Variants in CNTNAP2 observed in about 807,000 individuals in gnomAD.
CNTNAP2 encodes the protein contactin-associated protein-like 2.
A neutral mutation model predicts 155.2 loss-of-function variants in CNTNAP2; 98 were observed. That is an observed-to-expected ratio of 0.63 (90% CI 0.54 to 0.75). The LOEUF is 0.75. Among genes scored for constraint, CNTNAP2 ranks in the 30% least tolerant of loss-of-function variants. The pLI, the probability that CNTNAP2 is intolerant of heterozygous loss-of-function variation, is 0.00. For synonymous variants in CNTNAP2, 651 were observed against 631.2 expected (o/e 1.03, Z -0.47); for missense variants, 1,727 against 1,688.1 (o/e 1.02, Z -0.40).
At chr7:146,140,212 G>C (rs192161778) in intron 1 of CNTNAP2, among the ~76,000 whole-genome samples, 8 of 152,190 alleles carry the variant, frequency 5.3e-5, no homozygotes, top group African/African-American at 1.9e-4. Context: ...ACTTATAAAA[G>C]AGAAAATGAG....
chr7:146,261,726 C>T (rs575250835), intron 1 of CNTNAP2, among the ~76,000 whole-genome samples: 2 of 152,186 alleles, frequency 1.3e-5, no homozygotes, highest in Middle Eastern at 3.4e-3. Flanking sequence ...TTTAGAAATT[C>T]AGTCTTTAGC....
At chr7:148,111,712 T>C (rs1451293170) in intron 15 of CNTNAP2, among the ~76,000 whole-genome samples, 1 of 152,190 alleles carries the variant, frequency 6.6e-6, no homozygotes, top group Non-Finnish European at 1.5e-5. Context: ...GTAGGTTGCA[T>C]ATAAGGCTTC....
chr7:147,727,009 G>GT (rs770300597), intron 13 of CNTNAP2, among the ~76,000 whole-genome samples: 22 of 128,774 alleles, frequency 1.7e-4, no homozygotes, highest in Non-Finnish European at 2.9e-4. Flanking sequence ...ATACATATGC[G>GT]TATATGTATA....
At chr7:146,946,500 T>C (rs1024361079) in intron 3 of CNTNAP2, among the ~76,000 whole-genome samples, 1 of 152,186 alleles carries the variant, frequency 6.6e-6, no homozygotes, top group Non-Finnish European at 1.5e-5. Context: ...TATTGAGCTT[T>C]AATAACATTT....
intron 12 of CNTNAP2, among the ~76,000 whole-genome samples, chr7:147,568,362 T>C (rs903007959): frequency 2.6e-5 from 4 of 152,212 alleles, no homozygotes; most frequent in Admixed American, 6.5e-5. Context: ...GTAGTTCTAC[T>C]ATGTAATTCT....
intron 1 of CNTNAP2, among the ~76,000 whole-genome samples, chr7:146,312,149 T>C (rs1800835613): frequency 6.6e-6 from 1 of 152,204 alleles, no homozygotes; most frequent in Non-Finnish European, 1.5e-5. Flanking sequence ...ACATTTGGGA[T>C]AAAAAGTGTT....
At chr7:147,508,400 C>A (rs1249372719) in intron 11 of CNTNAP2, among the ~76,000 whole-genome samples, 1 of 152,180 alleles carries the variant, frequency 6.6e-6, no homozygotes, top group Non-Finnish European at 1.5e-5. Flanking sequence ...CATCTTCCAT[C>A]TCTGGAATGC....
intron 13 of CNTNAP2, among the ~76,000 whole-genome samples, chr7:147,801,469 G>A (rs185492614): frequency 0.18 from 27,255 of 151,588 alleles, 2,617 homozygotes; most frequent in Middle Eastern, 0.27. Context: ...AGCACCCTGC[G>A]GCCTTCCGCA....
In CNTNAP2 at chr7:146,407,696, C is replaced by T. The variant is rs140817638; in HGVS notation, c.97+290723C>T. On this transcript the variant is annotated intron_variant, in intron 1 of 23. Coordinates refer to ENST00000361727, the MANE Select transcript of CNTNAP2 (RefSeq NM_014141.6). ...TCAGAAATGTGTGACTTCACATGGT[C>T]AATGAACATTGAATATACAGTTGAC... is the stretch of plus-strand genomic sequence containing the variant. Among the ~76,000 whole-genome samples the T allele has an allele frequency of 4.9e-4, 74 of 152,154 alleles. 3 individuals are homozygous for T. In the East Asian group the frequency reaches 0.012, roughly 25 times the overall value.
In CNTNAP2 at chr7:146,580,967, T is replaced by C. The variant is rs116042161; in HGVS notation, c.98-193304T>C. On this transcript the variant is annotated intron_variant, in intron 1 of 23. Transcript: ENST00000361727. ...AGAAATAAAAGGCAATTAGAGACAA[T>C]TGAAAAATTAATTCAGCTGATAGAA... 8.6e-3 allele frequency among the ~76,000 whole-genome samples: 1,305 copies of C among 152,148 alleles called. 12 individuals carry two copies. Among genetic ancestry groups the C allele is most frequent in the African/African-American group, 0.03 (1,238 of 41,536 alleles).
chr7:146,464,449 T>A (rs1170830195), intron 1 of CNTNAP2, among the ~76,000 whole-genome samples: 3 of 152,120 alleles, frequency 2.0e-5, no homozygotes, highest in South Asian at 2.1e-4. Context: ...CTCTTATTTG[T>A]TAACTCATCT....
chr7:147,752,470 G>A (rs79455472), intron 13 of CNTNAP2, among the ~76,000 whole-genome samples: 1,667 of 152,234 alleles, frequency 0.011, 95 homozygotes, highest in Admixed American at 0.087. Flanking sequence ...AAATGGAACC[G>A]TCGTTCATTC....
chr7:147,389,322 A>C (rs1796671561), intron 9 of CNTNAP2, among the ~76,000 whole-genome samples: 1 of 152,168 alleles, frequency 6.6e-6, no homozygotes, highest in Non-Finnish European at 1.5e-5. Context: ...TGGACCTCCC[A>C]ACCTTCCCAA....
At chr7:147,634,509 A>T (rs1183375785) in intron 12 of CNTNAP2, among the ~76,000 whole-genome samples, 1 of 152,132 alleles carries the variant, frequency 6.6e-6, no homozygotes, top group African/African-American at 2.4e-5. Context: ...TACACTGCTC[A>T]GGTGATGGGT....
intron 8 of CNTNAP2, among the ~76,000 whole-genome samples, chr7:147,145,212 A>G (rs1466066142): frequency 6.6e-6 from 1 of 152,182 alleles, no homozygotes; most frequent in Non-Finnish European, 1.5e-5. Context: ...CAAATAATGC[A>G]GGCAAGTAAG....
intron 9 of CNTNAP2, among the ~76,000 whole-genome samples, chr7:147,302,545 T>C (rs1054158251): frequency 2.6e-5 from 4 of 152,244 alleles, no homozygotes; most frequent in African/African-American, 9.6e-5. Flanking sequence ...AGCTGAATCC[T>C]AAGTGTGTAA....
intron 16 of CNTNAP2, among the ~76,000 whole-genome samples, chr7:148,137,671 A>G (rs1804982870): frequency 2.9e-5 from 1 of 34,144 alleles, no homozygotes; most frequent in Non-Finnish European, 6.1e-5. Context: ...CAGAAAAAAA[A>G]GGAAGGAAGG....
At chr7:148,137,084 C>T (rs780002089) in intron 16 of CNTNAP2, among the ~76,000 whole-genome samples, 8 of 152,154 alleles carry the variant, frequency 5.3e-5, no homozygotes, top group Non-Finnish European at 1.0e-4. Flanking sequence ...TACATGGAAA[C>T]ATATGAACTC....
intron 8 of CNTNAP2, among the ~76,000 whole-genome samples, chr7:147,274,677 A>T (rs1804853760): frequency 6.6e-6 from 1 of 152,030 alleles, no homozygotes; most frequent in Non-Finnish European, 1.5e-5. Context: ...TTTTAGTTTA[A>T]TTGCATGTTA....
Sources: gnomAD v4.1 joint callset for allele counts (sites outside exome capture counted in the v4.1 genomes callset) on GRCh38, gnomAD v4.1.1 for gene constraint, MANE v1.5 for transcripts, NCBI Gene and HGNC (gene_info 2026-07-23, HGNC 2026-07-21) for gene names.